Variants in KIF6 observed in about 807,000 individuals in gnomAD.
KIF6 encodes kinesin-like protein KIF6.
Under a neutral mutation model 112.7 loss-of-function variants are expected in KIF6, and 106 were observed. The observed-to-expected ratio is 0.94, with a 90% confidence interval of 0.80 to 1.11. The LOEUF is 1.11. KIF6 is among the 50% of genes least tolerant of loss of function. The pLI is 0.00. For synonymous variants in KIF6, 339 were observed against 339.9 expected (o/e 1.00, Z 0.03); for missense variants, 929 against 964.0 (o/e 0.96, Z 0.48).
intron 13 of KIF6, among the ~76,000 whole-genome samples, chr6:39,473,994 G>C (rs1157772354): frequency 6.6e-6 from 1 of 151,964 alleles, no homozygotes; most frequent in Non-Finnish European, 1.5e-5. Flanking sequence ...TCTTTATTTG[G>C]TCTCTGGAAA....
intron 20 of KIF6, among the ~76,000 whole-genome samples, chr6:39,346,079 T>TC (rs1763715761): frequency 9.4e-5 from 2 of 21,336 alleles, no homozygotes; most frequent in African/African-American, 8.3e-4. Context: ...TCTCTCTCTC[T>TC]CTCTCTCCCC....
At chr6:39,609,636 A>G (rs1464562684) in intron 6 of KIF6, among the ~76,000 whole-genome samples, 1 of 152,186 alleles carries the variant, frequency 6.6e-6, no homozygotes, top group Non-Finnish European at 1.5e-5. Context: ...CGAAGATATA[A>G]AAGTATTTGG....
intron 11 of KIF6, among the ~76,000 whole-genome samples, 167 bp downstream of exon 11, chr6:39,545,416 C>A (rs368896175): frequency 1.2e-3 from 177 of 152,282 alleles, no homozygotes; most frequent in South Asian, 3.7e-3. Context: ...AAGATACAAT[C>A]TCTGAAGAAA....
chr6:39,493,682 A>AACTAGGTAAAT (rs1775612212), intron 13 of KIF6, among the ~76,000 whole-genome samples: 1 of 152,236 alleles, frequency 6.6e-6, no homozygotes, highest in Non-Finnish European at 1.5e-5. Context: ...GATCATCAAG[A>AACTAGGTAAAT]ACTAGGTAAA....
At chr6:39,700,545 T>C (rs372555161) in intron 3 of KIF6, among the ~76,000 whole-genome samples, 2 of 152,148 alleles carry the variant, frequency 1.3e-5, no homozygotes, top group Non-Finnish European at 1.5e-5. Flanking sequence ...CTTGTGGAGG[T>C]TGAACAAGAA....
At chr6:39,540,466 C>A (rs559546363) in intron 12 of KIF6, among the ~76,000 whole-genome samples, 2 of 152,156 alleles carry the variant, frequency 1.3e-5, no homozygotes, top group East Asian at 3.9e-4. Flanking sequence ...GAGTTTAAAC[C>A]AGGTACATCT....
At chr6:39,654,050 T>C (rs987360646) in intron 3 of KIF6, among the ~76,000 whole-genome samples, 3 of 152,162 alleles carry the variant, frequency 2.0e-5, no homozygotes, top group African/African-American at 7.2e-5. Flanking sequence ...TGGGGGCCTA[T>C]GTAATGGCAT....
chr6:39,349,877 C>G (rs1418484013), intron 19 of KIF6, among the ~76,000 whole-genome samples: 2 of 151,980 alleles, frequency 1.3e-5, no homozygotes, highest in African/African-American at 4.8e-5. Context: ...GAACTCCTGA[C>G]CTCGTGATCC....
intron 15 of KIF6, among the ~76,000 whole-genome samples, chr6:39,399,788 C>T (rs1343198018): frequency 6.6e-6 from 1 of 152,262 alleles, no homozygotes; most frequent in African/African-American, 2.4e-5. Flanking sequence ...GAGCTTTCAG[C>T]TGCTCTCCAA....
At chr6:39,685,380 G>A (rs1484197710) in intron 3 of KIF6, among the ~76,000 whole-genome samples, 1 of 152,184 alleles carries the variant, frequency 6.6e-6, no homozygotes, top group East Asian at 1.9e-4. Context: ...TGACGTGGGA[G>A]AATGAGGCTG....
intron 3 of KIF6, among the ~76,000 whole-genome samples, chr6:39,650,210 C>T (rs9471139): frequency 0.063 from 9,637 of 152,230 alleles, 1,024 homozygotes; most frequent in African/African-American, 0.22. Context: ...GTCTTAAGCA[C>T]ACTAAACAGC....
intron 13 of KIF6, among the ~76,000 whole-genome samples, chr6:39,481,390 T>C (rs936463685): frequency 4.6e-5 from 7 of 152,206 alleles, no homozygotes; most frequent in African/African-American, 1.7e-4. Context: ...AATAAATATG[T>C]TTTAAAGATT....
At chr6:39,501,200 C>G (rs1776116150) in intron 13 of KIF6, among the ~76,000 whole-genome samples, 1 of 152,122 alleles carries the variant, frequency 6.6e-6, no homozygotes, top group South Asian at 2.1e-4. Flanking sequence ...AGAACTGAGG[C>G]AACCAGGGTC....
At chr6:39,480,746 T>C (rs746068267) in intron 13 of KIF6, among the ~76,000 whole-genome samples, 43 of 152,170 alleles carry the variant, frequency 2.8e-4, no homozygotes, top group Non-Finnish European at 5.4e-4. Flanking sequence ...TTGTTATTGG[T>C]CTGTTAAGGA....
At chr6:39,528,642 C>G (rs1582057169) in intron 13 of KIF6, among the ~76,000 whole-genome samples, 1 of 152,188 alleles carries the variant, frequency 6.6e-6, no homozygotes, top group South Asian at 2.1e-4. Context: ...CTTGTCATCT[C>G]TTGTCTTTTT....
intron 3 of KIF6, among the ~76,000 whole-genome samples, chr6:39,699,719 A>G (rs918775250): frequency 5.3e-5 from 8 of 152,194 alleles, no homozygotes; most frequent in African/African-American, 1.7e-4. Context: ...GGGATAACAT[A>G]ATTAGAGGAA....
intron 22 of KIF6, among the ~76,000 whole-genome samples, chr6:39,337,255 C>T (rs1763080222): frequency 1.1e-5 from 1 of 86,992 alleles, no homozygotes; most frequent in Non-Finnish European, 2.6e-5. Flanking sequence ...CTTTTCTTTC[C>T]CTCCCTCCCT....
At chr6:39,527,694 T>C (rs1415993585) in intron 13 of KIF6, among the ~76,000 whole-genome samples, 1 of 152,242 alleles carries the variant, frequency 6.6e-6, no homozygotes, top group African/African-American at 2.4e-5. Context: ...TTCTCACTTA[T>C]TTTTCTAGCC....
At chr6:39,339,789 C>T (rs528699380) in intron 22 of KIF6, among the ~76,000 whole-genome samples, 6 of 152,194 alleles carry the variant, frequency 3.9e-5, no homozygotes, top group Non-Finnish European at 1.5e-5. Context: ...ACATTCCATG[C>T]TGTTCCATGA....
Sources: gnomAD v4.1 joint callset for allele counts (sites outside exome capture counted in the v4.1 genomes callset) on GRCh38, gnomAD v4.1.1 for gene constraint, MANE v1.5 for transcripts, NCBI Gene and HGNC (gene_info 2026-07-23, HGNC 2026-07-21) for gene names.